DCAF8L2: variants seen among roughly 807,000 people sequenced by gnomAD.
DCAF8L2 encodes DDB1- and CUL4-associated factor 8-like protein 2.
For synonymous variants in DCAF8L2, 200 were observed against 190.9 expected (o/e 1.05, Z -0.39); for missense variants, 430 against 490.7 (o/e 0.88, Z 1.17).
chrX:27,556,380 G>T, the DCAF8L2 span, among the ~76,000 whole-genome samples: 1 of 111,369 alleles, frequency 9.0e-6, no homozygotes. Flanking sequence ...TAAGTGTAAT[G>T]TGCGATATAA....
chrX:27,613,111 C>T (rs1195729323), intron 1 of DCAF8L2, among the ~76,000 whole-genome samples: 2 of 111,283 alleles, frequency 1.8e-5, no homozygotes, highest in Non-Finnish European at 3.8e-5. Context: ...TTGTTTGTGT[C>T]CTCTTTTATT....
chrX:27,474,675 T>C, the DCAF8L2 span, among the ~76,000 whole-genome samples: 1 of 112,152 alleles, frequency 8.9e-6, no homozygotes, highest in Non-Finnish European at 1.9e-5. Flanking sequence ...TACACCTGAA[T>C]AGCAACAAAA....
intron 4 of DCAF8L2, among the ~76,000 whole-genome samples, chrX:27,723,976 T>C (rs1252528145): frequency 9.0e-6 from 1 of 111,121 alleles, no homozygotes; most frequent in East Asian, 2.8e-4. Flanking sequence ...TTTGGTGTGC[T>C]ACCTTTTTTT....
At chrX:27,708,795 A>G (rs1931426153) in intron 3 of DCAF8L2, among the ~76,000 whole-genome samples, 1 of 112,259 alleles carries the variant, frequency 8.9e-6, no homozygotes, top group South Asian at 3.7e-4. Flanking sequence ...AATATTCCCA[A>G]TCTCAAGTAG....
chrX:27,492,161 T>C, the DCAF8L2 span, among the ~76,000 whole-genome samples: 2 of 112,214 alleles, frequency 1.8e-5, no homozygotes, highest in African/African-American at 6.5e-5. Flanking sequence ...AGCTATACAA[T>C]GTATGATCAT....
chrX:27,709,245 A>T (rs1248824068), intron 3 of DCAF8L2, among the ~76,000 whole-genome samples: 5 of 112,611 alleles, frequency 4.4e-5, no homozygotes, highest in African/African-American at 1.3e-4. Flanking sequence ...TTAAGTTGGT[A>T]CCTTTCCACT....
chrX:27,555,957 C>T, the DCAF8L2 span, among the ~76,000 whole-genome samples: 1 of 111,619 alleles, frequency 9.0e-6, no homozygotes, highest in African/African-American at 3.3e-5. Context: ...TGAACCCACC[C>T]ACCAGATGTG....
chrX:27,727,518 G>A (rs1233178012), intron 4 of DCAF8L2, among the ~76,000 whole-genome samples: 1 of 111,391 alleles, frequency 9.0e-6, no homozygotes, highest in Non-Finnish European at 1.9e-5. Flanking sequence ...TGATCTATTT[G>A]TTTGTCTCTG....
intron 3 of DCAF8L2, among the ~76,000 whole-genome samples, chrX:27,702,462 A>C (rs1482986820): frequency 9.4e-6 from 1 of 106,863 alleles, no homozygotes; most frequent in Admixed American, 1.0e-4. Flanking sequence ...AAAAAAAAAA[A>C]CTAGACAACT....
At chrX:27,648,176 C>A (rs186195157) in intron 2 of DCAF8L2, among the ~76,000 whole-genome samples, 28 of 110,182 alleles carry the variant, frequency 2.5e-4, no homozygotes, top group African/African-American at 8.2e-4. Context: ...TTTTAATGAC[C>A]AAGAAACTTA....
intron 4 of DCAF8L2, among the ~76,000 whole-genome samples, chrX:27,720,330 T>G (rs1931849808): frequency 8.9e-6 from 1 of 111,909 alleles, no homozygotes; most frequent in Non-Finnish European, 1.9e-5. Flanking sequence ...CCAAAGTTAT[T>G]CTTTTTCAAA....
chrX:27,506,508 C>G, the DCAF8L2 span, among the ~76,000 whole-genome samples: 57,502 of 109,470 alleles, frequency 0.53, 12,623 homozygotes, highest in South Asian at 0.77. Context: ...AGGCCACACT[C>G]TATCTGAAGC....
the DCAF8L2 span, among the ~76,000 whole-genome samples, chrX:27,490,082 G>C: frequency 1.6e-4 from 18 of 111,109 alleles, no homozygotes; most frequent in South Asian, 6.9e-3. Context: ...TCACTATGTT[G>C]CCCAGGCTGG....
At chrX:27,725,528 C>G (rs1327129079) in intron 4 of DCAF8L2, among the ~76,000 whole-genome samples, 1 of 109,459 alleles carries the variant, frequency 9.1e-6, no homozygotes, top group East Asian at 2.8e-4. Context: ...ATTTTAACAA[C>G]ATAATATATT....
chrX:27,599,298 T>C (rs896639145), intron 1 of DCAF8L2, among the ~76,000 whole-genome samples: 3 of 111,488 alleles, frequency 2.7e-5, no homozygotes, highest in Non-Finnish European at 5.6e-5. Context: ...ATTCCACCTA[T>C]ATGAGGTATC....
chrX:27,740,925 A>G lies in DCAF8L2; in HGVS notation c.-58-5913A>G, dbSNP rs1193226097. ...TTTTCTCTTTCATCCACTATACTAC[A>G]TACTCCATGAGTGAAGGGAATGCCA... On this transcript the variant is annotated intron_variant, in intron 4 of 4. Coordinates refer to ENST00000451261, the MANE Select transcript of DCAF8L2 (RefSeq NM_001353450.2). 3.1e-4 allele frequency among the ~76,000 whole-genome samples: 35 copies of G among 111,614 alleles called. No homozygotes were observed. In the Admixed American group the frequency reaches 3.3e-3, roughly 11 times the overall value.
the DCAF8L2 span, among the ~76,000 whole-genome samples, chrX:27,562,263 A>C: frequency 8.9e-6 from 1 of 112,492 alleles, no homozygotes; most frequent in African/African-American, 3.2e-5. Flanking sequence ...TTTCTAGTAC[A>C]TTGCACCTGC....
At chrX:27,526,170 A>G in the DCAF8L2 span, among the ~76,000 whole-genome samples, 3 of 111,889 alleles carry the variant, frequency 2.7e-5, no homozygotes, top group Non-Finnish European at 5.6e-5. Flanking sequence ...CACCAATCAG[A>G]CATAGATTTG....
chrX:27,572,971 C>T, the DCAF8L2 span, among the ~76,000 whole-genome samples: 3 of 110,810 alleles, frequency 2.7e-5, no homozygotes, highest in Non-Finnish European at 3.8e-5. Context: ...TCAATCTTTC[C>T]CAGTGTTACT....
Sources: gnomAD v4.1 joint callset for allele counts (sites outside exome capture counted in the v4.1 genomes callset) on GRCh38, gnomAD v4.1.1 for gene constraint, MANE v1.5 for transcripts, NCBI Gene and HGNC (gene_info 2026-07-23, HGNC 2026-07-21) for gene names.